RGS17: variants seen among roughly 807,000 people sequenced by gnomAD.
The protein encoded by RGS17 is regulator of G protein signaling 17, also known as regulator of G-protein signaling 17.
In RGS17, 12 loss-of-function variants were observed where a neutral mutation model predicts 25.5. The observed-to-expected ratio is 0.47, with a 90% CI of 0.30 to 0.76. The LOEUF (loss-of-function observed/expected upper bound fraction) is 0.76, where lower values mean the gene tolerates loss of function less well. Ranked by LOEUF, RGS17 falls within the 30% of genes least tolerant of loss-of-function variation. The pLI is 0.07. For synonymous variants in RGS17, 71 were observed against 76.9 expected (o/e 0.92, Z 0.40); for missense variants, 196 against 242.2 (o/e 0.81, Z 1.27).
At chr6:153,029,516 G>A (rs1381330052) in intron 2 of RGS17, among the ~76,000 whole-genome samples, 1 of 152,002 alleles carries the variant, frequency 6.6e-6, no homozygotes, top group Non-Finnish European at 1.5e-5. Flanking sequence ...ATATGTGTTT[G>A]AGGAAAGCCC....
intron 4 of RGS17, among the ~76,000 whole-genome samples, chr6:153,014,407 C>T (rs1179274113): frequency 2.6e-5 from 4 of 152,170 alleles, no homozygotes; most frequent in East Asian, 1.9e-4. Flanking sequence ...TGAAGATGCA[C>T]GAGGAAATTA....
chr6:153,040,056 T>G (rs899594173), intron 2 of RGS17, among the ~76,000 whole-genome samples: 4 of 41,674 alleles, frequency 9.6e-5, no homozygotes, highest in African/African-American at 5.9e-4. Context: ...AGGTCTTGCA[T>G]GTTTATAGAG....
intron 1 of RGS17, among the ~76,000 whole-genome samples, chr6:153,110,688 G>C (rs1192833685): frequency 6.6e-6 from 1 of 152,210 alleles, no homozygotes; most frequent in African/African-American, 2.4e-5. Flanking sequence ...AGGTCACAGT[G>C]AGATCAACGC....
chr6:153,084,348 T>C (rs1478942164), intron 1 of RGS17, among the ~76,000 whole-genome samples: 2 of 152,198 alleles, frequency 1.3e-5, no homozygotes, highest in Non-Finnish European at 2.9e-5. Context: ...TTTTCTATTT[T>C]ATTCTAGAGT....
chr6:153,114,083 A>G (rs1296892311), intron 1 of RGS17, among the ~76,000 whole-genome samples: 1 of 152,218 alleles, frequency 6.6e-6, no homozygotes, highest in Non-Finnish European at 1.5e-5. Context: ...TTAAGATCAG[A>G]GCAAAACTGA....
intron 4 of RGS17, among the ~76,000 whole-genome samples, chr6:153,020,109 A>T (rs60985042): frequency 0.31 from 18,694 of 59,568 alleles, 2,899 homozygotes; most frequent in Admixed American, 0.37. Flanking sequence ...TTAAAAAAAA[A>T]AAATATATAT....
rs971532936 is a variant in RGS17 at position 153,062,056 on chromosome 6, T to C, written c.-25-18013A>G. Among the ~76,000 whole-genome samples the C allele has an allele frequency of 3.9e-5, 6 of 152,162 alleles. No individual in the cohort carries two copies. In the South Asian group the frequency reaches 6.2e-4, roughly 16 times the overall value. ...TGTTGGAGAGTGAATAAAGATGGCATTGAGAAGGTGGAGCAAGATGGCAGA... is the reference window on the plus strand; with the variant it reads ...TGTTGGAGAGTGAATAAAGATGGCACTGAGAAGGTGGAGCAAGATGGCAGA... On this transcript the variant is annotated intron_variant, in intron 1 of 4. Transcript: ENST00000206262.
chr6:153,125,247 C>A (rs1777687600), intron 1 of RGS17, among the ~76,000 whole-genome samples: 2 of 152,018 alleles, frequency 1.3e-5, no homozygotes, highest in Non-Finnish European at 2.9e-5. Context: ...GCTTTGTGAA[C>A]CACAATCATT....
chr6:153,130,309 G>A lies in RGS17; in HGVS notation c.-26+815C>T, dbSNP rs1337940122. Among the ~76,000 whole-genome samples the A allele has an allele frequency of 6.6e-6, 1 of 152,078 alleles. No individual in the cohort carries two copies. Among genetic ancestry groups the A allele is most frequent in the Non-Finnish European group, 1.5e-5 (1 of 68,020 alleles). ...ACCACCATCACCTACAGCAAAGGAGGCTCCGATGCGCCCACCCGGGCAGCG... is the reference window on the plus strand; with the variant it reads ...ACCACCATCACCTACAGCAAAGGAGACTCCGATGCGCCCACCCGGGCAGCG... On this transcript the variant is annotated intron_variant, in intron 1 of 4. Transcript: ENST00000206262. This position sits in a 1 kb window ranked among gnomAD's most constrained non-coding sequence, Gnocchi z 6.4.
intron 1 of RGS17, among the ~76,000 whole-genome samples, chr6:153,053,797 A>G (rs1451751149): frequency 1.3e-5 from 2 of 151,048 alleles, no homozygotes; most frequent in African/African-American, 4.9e-5. Flanking sequence ...GTCTCAAAAA[A>G]GAAAAGAAAA....
chr6:153,020,107 A>ATATATATATATATATATATATAT (rs1205305073), intron 4 of RGS17, among the ~76,000 whole-genome samples: 1 of 47,854 alleles, frequency 2.1e-5, no homozygotes, highest in African/African-American at 8.9e-5. Flanking sequence ...TCTTAAAAAA[A>ATATATATATATATATATATATAT]AAAAATATAT....
chr6:153,006,477 A>G lies in RGS17; in HGVS notation c.*5097T>C, dbSNP rs1043822518. On this transcript the variant is annotated 3_prime_UTR_variant, in exon 5 of 5. Transcript: ENST00000206262. ...CTATGTCATTGAAAGAAACATTTCT[A>G]TAGATTTGAGGTGATGGTGAACTGA... is the stretch of plus-strand genomic sequence containing the variant. 6.6e-6 allele frequency: 1 copy of G among 152,542 alleles called. No individual in the cohort carries two copies. 9.4% of individuals were successfully genotyped at this position (152,542 alleles called of 1,614,324 possible).
chr6:153,024,298 T>A lies in RGS17; in HGVS notation c.408A>T (p.Ile136=). 6.2e-7 allele frequency: 1 copy of A among 1,613,228 alleles called. No homozygotes were observed. The highest frequency in any genetic ancestry group is 1.3e-5 in the African/African-American group (1 of 75,052). The change falls in exon 4 of 5, where the codon ATA becomes ATT. Residue 136 remains isoleucine (I), a synonymous_variant. Transcript: ENST00000206262. ...KKVIEEKARM[I]YEDYISILSP... ...ATAGTATAGAAATGTAATCTTCATA[T>A]ATCATCCTAGCCTTTTCTTCAATTA...
intron 1 of RGS17, among the ~76,000 whole-genome samples, chr6:153,096,928 C>T (rs1344355242): frequency 6.6e-6 from 1 of 152,154 alleles, no homozygotes; most frequent in African/African-American, 2.4e-5. Flanking sequence ...GGGCCTCTTC[C>T]TCTAAATATA....
intron 1 of RGS17, among the ~76,000 whole-genome samples, chr6:153,062,194 G>C (rs1344780770): frequency 1.3e-5 from 2 of 150,450 alleles, no homozygotes; most frequent in Admixed American, 6.7e-5. Context: ...ACAATACCTG[G>C]TTTTAATATC....
At chr6:153,055,042 G>C (rs569668965) in intron 1 of RGS17, among the ~76,000 whole-genome samples, 1 of 152,328 alleles carries the variant, frequency 6.6e-6, no homozygotes, top group African/African-American at 2.4e-5. Context: ...TAGACACACA[G>C]AGCAGGCGGA....
In RGS17 at chr6:153,007,825, A is replaced by C. The variant is rs952710593; in HGVS notation, c.*3749T>G. 2 of 152,200 alleles carry C rather than the reference A, an allele frequency of 1.3e-5. No homozygotes were observed. The highest frequency in any genetic ancestry group is 2.9e-5 in the Non-Finnish European group (2 of 68,054). 9.4% of individuals were successfully genotyped at this position (152,200 alleles called of 1,614,324 possible). A position where few individuals can be genotyped will look rare whatever the true frequency, so the allele number is the denominator to read the frequency against. On this transcript the variant is annotated 3_prime_UTR_variant, in exon 5 of 5. Transcript: ENST00000206262. Reference sequence around the variant, plus strand: ...AGTCTGGTCTCAAACTCCTGAGCTCAAGTGATCCGCCCTCTTTGGCTTCCC... The same window carrying C: ...AGTCTGGTCTCAAACTCCTGAGCTCCAGTGATCCGCCCTCTTTGGCTTCCC...
intron 1 of RGS17, among the ~76,000 whole-genome samples, chr6:153,090,114 G>A (rs1336806207): frequency 6.6e-6 from 1 of 152,026 alleles, no homozygotes; most frequent in African/African-American, 2.4e-5. Flanking sequence ...ATGATGTTAA[G>A]GAAACCGATC....
At chr6:153,028,014 T>C (rs1200450874) in intron 2 of RGS17, among the ~76,000 whole-genome samples, 1 of 152,074 alleles carries the variant, frequency 6.6e-6, no homozygotes, top group Non-Finnish European at 1.5e-5. Flanking sequence ...CAAAGGGAAA[T>C]ATTAATTTCT....
Sources: allele counts gnomAD v4.1 joint callset (sites outside exome capture counted in the v4.1 genomes callset), GRCh38; gene constraint gnomAD v4.1.1; non-coding constraint Gnocchi (gnomAD v3.1); transcripts MANE v1.5; gene names NCBI Gene and HGNC (gene_info 2026-07-23, HGNC 2026-07-21).